The following ARHGEF37 variants were observed in gnomAD, a reference collection of about 807,000 sequenced individuals.
ARHGEF37 encodes the protein Rho guanine nucleotide exchange factor 37, also known as Rho guanine nucleotide exchange factor (GEF) 37.
ARHGEF37 carries 55 observed loss-of-function variants against 71.1 expected under a neutral mutation model. The ratio of observed to expected loss-of-function variants is 0.77; its 90% CI spans 0.62 to 0.97. ARHGEF37 has a LOEUF of 0.97. Among genes scored for constraint, ARHGEF37 ranks in the 50% least tolerant of loss-of-function variants. The pLI is 0.00. For missense variants in ARHGEF37, 765 were observed against 836.8 expected (o/e 0.91, Z 1.06); for synonymous variants, 327 against 350.6 (o/e 0.93, Z 0.75).
intron 5 of ARHGEF37, 46 bp downstream of exon 5, chr5:149,616,812 C>A: frequency 6.6e-7 from 1 of 1,509,596 alleles, no homozygotes; most frequent in African/African-American, 1.4e-5. Flanking sequence ...GGAATGCTTC[C>A]AGTTACAGAA....
chr5:149,581,290 C>T (rs1385034577), upstream of ARHGEF37, among the ~76,000 whole-genome samples: 1 of 152,202 alleles, frequency 6.6e-6, no homozygotes, highest in East Asian at 1.9e-4. Flanking sequence ...GGTGCCGGCA[C>T]GTCGCTAAAC....
intron 1 of ARHGEF37, among the ~76,000 whole-genome samples, chr5:149,567,235 T>C (rs1422200201): frequency 2.0e-5 from 3 of 152,238 alleles, no homozygotes; most frequent in Non-Finnish European, 1.5e-5. Flanking sequence ...CGTGATGAGA[T>C]TCAGGTTATA....
Position 149,616,569 on chromosome 5 carries a change from C to T in ARHGEF37, c.461C>T (p.Pro154Leu), listed in dbSNP as rs144941254. ...HIQGIVEAVVPQAGSSGLSFL... is the reference protein window; with the variant it reads ...HIQGIVEAVVLQAGSSGLSFL... The stretch of plus-strand genomic sequence containing the variant: ...CTAATACCAGCCTTCTCCCTCAGGC[C>T]GCAAGCTGGATCTTCAGGCCTCAGT... Residue 154 changes from proline (P) to leucine (L), a missense_variant and splice_region_variant, in exon 5 of 13, where the codon CCG becomes CTG. By Grantham distance (98) the Pro-to-Leu change is moderately conservative. This residue lies in a region of ARHGEF37 where 201 missense variants were observed against 217.5 expected (regional missense o/e 0.92). Coordinates refer to ENST00000333677, the MANE Select transcript of ARHGEF37 (RefSeq NM_001001669.3). The T allele has an allele frequency of 5.6e-4, 896 of 1,605,404 alleles. 14 individuals carry two copies. The East Asian group carries it at 0.016, about 29-fold the overall frequency.
chr5:149,572,199 A>C (rs1217089729), intron 1 of ARHGEF37, among the ~76,000 whole-genome samples: 1 of 152,218 alleles, frequency 6.6e-6, no homozygotes, highest in Non-Finnish European at 1.5e-5. Flanking sequence ...TCAATGGAGG[A>C]AAAGAAAGTC....
At chr5:149,622,198 G>C in intron 9 of ARHGEF37, 136 bp downstream of exon 9, 1 of 843,706 alleles carries the variant, frequency 1.2e-6, no homozygotes, top group Non-Finnish European at 1.8e-6. Context: ...TTAGGAAGAG[G>C]CAGTGGGAAC....
At chr5:149,595,856 G>A (rs1050523815) in intron 1 of ARHGEF37, among the ~76,000 whole-genome samples, 5 of 152,028 alleles carry the variant, frequency 3.3e-5, no homozygotes, top group Admixed American at 1.3e-4. Flanking sequence ...GTGTTGTTAC[G>A]AATTTATGTT....
intron 3 of ARHGEF37, among the ~76,000 whole-genome samples, chr5:149,602,889 A>G (rs1487960992): frequency 6.6e-6 from 1 of 152,178 alleles, no homozygotes; most frequent in Non-Finnish European, 1.5e-5. Context: ...TTTCCTGAAC[A>G]CGAATGATGA....
chr5:149,572,491 ATTGTCT>A (rs1017442079), intron 1 of ARHGEF37, among the ~76,000 whole-genome samples: 5 of 152,138 alleles, frequency 3.3e-5, no homozygotes, highest in African/African-American at 1.2e-4. Flanking sequence ...TGAACTTGTT[ATTGTCT>A]TTATTTGGAA....
intron 1 of ARHGEF37, among the ~76,000 whole-genome samples, chr5:149,554,751 AT>A (rs1397343359): frequency 6.6e-6 from 1 of 151,822 alleles, no homozygotes; most frequent in African/African-American, 2.4e-5. Flanking sequence ...AGCCTAAAAG[AT>A]TGAAGAATAA....
intron 1 of ARHGEF37, among the ~76,000 whole-genome samples, chr5:149,592,642 G>A (rs191898569): frequency 1.8e-4 from 28 of 152,316 alleles, no homozygotes; most frequent in African/African-American, 6.0e-4. Context: ...CTTACTGCGG[G>A]ATGTCCAGAC....
At chr5:149,586,537 A>G (rs975014238) in intron 1 of ARHGEF37, among the ~76,000 whole-genome samples, 1 of 152,244 alleles carries the variant, frequency 6.6e-6, no homozygotes, top group African/African-American at 2.4e-5. Flanking sequence ...TGCCGGGATT[A>G]CAGGTGTGAT....
chr5:149,558,691 ATGTGTGTGTGTGTGTGTGTGTGTGTGTG>A (rs58959997), intron 1 of ARHGEF37, among the ~76,000 whole-genome samples: 1 of 127,994 alleles, frequency 7.8e-6, no homozygotes, highest in Non-Finnish European at 1.6e-5. Context: ...CCATATATAT[ATGTGTGTGTGTGTGTGTGTGTGTGTGTG>A]TGTGTGTGTG....
In ARHGEF37 at chr5:149,554,822, AGCTT is replaced by A. The variant is rs574813524; in HGVS notation, c.-12+2700_-12+2703del. On this transcript the variant is annotated intron_variant, in intron 1 of 2. Transcript: ENST00000505810. ...ATTCTGTACTTATTGAATCAGCAGC[AGCTT>A]TGGTGTAATGAAAGGAGTCTTTTAG... is the stretch of plus-strand genomic sequence containing the variant. Among the ~76,000 whole-genome samples the A allele has an allele frequency of 2.6e-4, 39 of 152,186 alleles. 1 individual carries two copies. In the East Asian group the frequency reaches 7.3e-3, roughly 29 times the overall value.
chr5:149,603,051 A>G (rs10040164), intron 3 of ARHGEF37, among the ~76,000 whole-genome samples: 100,581 of 151,814 alleles, frequency 0.66, 35,392 homozygotes, highest in East Asian at 1. Flanking sequence ...TCCTGCCTCA[A>G]CCTCCTGAGT....
chr5:149,583,927 A>AT (rs1447674112), intron 1 of ARHGEF37, among the ~76,000 whole-genome samples: 3 of 152,092 alleles, frequency 2.0e-5, no homozygotes, highest in Non-Finnish European at 4.4e-5. Flanking sequence ...CACCTGGCTA[A>AT]TTTTTTACTT....
intron 1 of ARHGEF37, among the ~76,000 whole-genome samples, chr5:149,563,450 G>A (rs1762861338): frequency 1.3e-5 from 2 of 152,138 alleles, no homozygotes; most frequent in South Asian, 4.1e-4. Flanking sequence ...ATGATTTGTG[G>A]CTTAGGATTT....
chr5:149,628,511 G>C (rs1486450673), intron 11 of ARHGEF37, among the ~76,000 whole-genome samples: 1 of 152,160 alleles, frequency 6.6e-6, no homozygotes, highest in African/African-American at 2.4e-5. Flanking sequence ...GGAGCTGGCG[G>C]CTCCATCAGA....
intron 1 of ARHGEF37, among the ~76,000 whole-genome samples, chr5:149,564,289 A>G (rs1240592244): frequency 1.3e-5 from 2 of 152,124 alleles, no homozygotes; most frequent in Non-Finnish European, 2.9e-5. Flanking sequence ...TCATAAAAAA[A>G]TTTCATTGGG....
chr5:149,621,163 A>G (rs1317655838), intron 8 of ARHGEF37, among the ~76,000 whole-genome samples: 2 of 151,876 alleles, frequency 1.3e-5, no homozygotes, highest in East Asian at 1.9e-4. Context: ...CCACCACTCT[A>G]TACAAAATCT....
Sources: allele counts gnomAD v4.1 joint callset (sites outside exome capture counted in the v4.1 genomes callset), GRCh38; gene constraint gnomAD v4.1.1; regional missense constraint gnomAD v4.1.1; transcripts MANE v1.5; gene names NCBI Gene and HGNC (gene_info 2026-07-23, HGNC 2026-07-21).